The following CGREF1 variants were observed in gnomAD, a reference collection of about 807,000 sequenced individuals.
CGREF1 encodes the protein cell growth regulator with EF hand domain protein 1.
In CGREF1, 16 loss-of-function variants were observed where a neutral mutation model predicts 17.4. The observed-to-expected ratio is 0.92, with a 90% confidence interval of 0.62 to 1.40. CGREF1 has a LOEUF of 1.40. Among genes scored for constraint, CGREF1 ranks in the 40% most tolerant of loss-of-function variants. The probability of loss-of-function intolerance (pLI) is 0.00; values close to 1 mark genes in which losing one functional copy is unlikely to be tolerated. For missense variants in CGREF1, 296 were observed against 376.4 expected, an observed-to-expected ratio of 0.79 and a Z score of 1.77; for synonymous variants, 142 against 154.6, an observed-to-expected ratio of 0.92 and a Z score of 0.61.
chr2:27,112,820 T>C (rs1405224152), intron 1 of CGREF1, among the ~76,000 whole-genome samples: 1 of 152,170 alleles, frequency 6.6e-6, no homozygotes, highest in Non-Finnish European at 1.5e-5. Context: ...TTCTGTGTCA[T>C]GAAATATACC....
Position 27,101,018 on chromosome 2 carries a change from A to C in CGREF1, c.*256T>G, listed in dbSNP as rs1032275900. On this transcript the variant is annotated 3_prime_UTR_variant, in exon 6 of 6. Transcript: ENST00000402394. ...CGGCATCCCTGTCCTTTCGGTCCCC[A>C]ACCCCGTTCCTCTGAGAGGGTCTGG... 3 of 1,288,904 alleles carry C rather than the reference A, an allele frequency of 2.3e-6. No homozygotes were observed. In the African/African-American group the frequency reaches 4.6e-5, roughly 20 times the overall value. The allele number at this position is 1,288,904 out of a possible 1,614,324, so 79.8% of individuals were successfully genotyped here. A position where few individuals can be genotyped will look rare whatever the true frequency, so the allele number is the denominator to read the frequency against.
chr2:27,115,995 T>C (rs1232436961), intron 1 of CGREF1, among the ~76,000 whole-genome samples: 1 of 152,006 alleles, frequency 6.6e-6, no homozygotes, highest in Non-Finnish European at 1.5e-5. Context: ...AAAGGATTGC[T>C]TGAAGCCAGG....
chr2:27,104,956 G>A (rs1206579277), intron 1 of CGREF1, among the ~76,000 whole-genome samples: 1 of 152,236 alleles, frequency 6.6e-6, no homozygotes, highest in African/African-American at 2.4e-5. Flanking sequence ...CAGACCAACA[G>A]TGGCCCCAGG....
intron 2 of CGREF1, 108 bp from the exon 3 acceptor site, chr2:27,102,699 G>A (rs1355917654): frequency 8.0e-7 from 1 of 1,256,774 alleles, no homozygotes; most frequent in Non-Finnish European, 1.1e-6. Context: ...GACCCAAAGG[G>A]AGTTGCCCCC....
At chr2:27,117,705 ATTTTT>A (rs35908937) in intron 1 of CGREF1, among the ~76,000 whole-genome samples, 12 of 123,174 alleles carry the variant, frequency 9.7e-5, no homozygotes, top group African/African-American at 1.3e-4. Context: ...TGGGATCTGA[ATTTTT>A]TTTTTTTTTT....
Position 27,100,900 on chromosome 2 carries a change from GA to G in CGREF1, c.*373del. On this transcript the variant is annotated 3_prime_UTR_variant, in exon 6 of 6. Coordinates refer to ENST00000402394, the MANE Select transcript of CGREF1 (RefSeq NM_006569.6). The stretch of plus-strand genomic sequence containing the variant: ...AGGGTTTGGGGCCCAGGGATAGACT[GA>G]GCTTTCCTCACTGGGTCCTCTGCAG... 1 of 1,092,706 alleles carries G rather than the reference GA, an allele frequency of 9.2e-7. No homozygotes were observed. Among genetic ancestry groups the G allele is most frequent in the Non-Finnish European group, 1.1e-6 (1 of 896,998 alleles). The allele number at this position is 1,092,706 out of a possible 1,614,324, so 67.7% of individuals were successfully genotyped here.
rs1033403362 is a variant in CGREF1 at position 27,100,949 on chromosome 2, G to A, written c.*325C>T. The A allele has an allele frequency of 1.5e-5, 17 of 1,136,334 alleles. No homozygotes were observed. The highest frequency in any genetic ancestry group is 8.1e-5 in the African/African-American group (5 of 61,792). 70.4% of individuals were successfully genotyped at this position (1,136,334 alleles called of 1,614,324 possible). A position where few individuals can be genotyped will look rare whatever the true frequency, so the allele number is the denominator to read the frequency against. On this transcript the variant is annotated 3_prime_UTR_variant, in exon 6 of 6. Transcript: ENST00000402394. ...CAGCCGGCCATGGCTAGCACCATGCGCTCTGCTGCCGGAGCACCGTGAGGC... is the reference window on the plus strand; with the variant it reads ...CAGCCGGCCATGGCTAGCACCATGCACTCTGCTGCCGGAGCACCGTGAGGC...
At chr2:27,099,977 C>T (rs1480109401), downstream of CGREF1, 1 of 893,016 alleles carries the variant, frequency 1.1e-6, no homozygotes, top group African/African-American at 2.1e-5. Context: ...CCAGCTTCTC[C>T]TCTCAATGTC....
chr2:27,099,950 A>G (rs751205514), downstream of CGREF1: 55 of 1,206,928 alleles, frequency 4.6e-5, no homozygotes, highest in Non-Finnish European at 5.8e-5. Flanking sequence ...CTCAGAGCAA[A>G]TAAATCTTCC....
chr2:27,111,516 C>A (rs992538590), intron 1 of CGREF1, among the ~76,000 whole-genome samples: 2 of 152,258 alleles, frequency 1.3e-5, no homozygotes, highest in African/African-American at 2.4e-5. Context: ...TGCGCCCGCA[C>A]TCCTCAGCCC....
chr2:27,107,578 G>A (rs142011634), intron 1 of CGREF1, among the ~76,000 whole-genome samples: 110 of 151,750 alleles, frequency 7.2e-4, no homozygotes, highest in African/African-American at 2.6e-3. Context: ...AGAAATTAAA[G>A]GGAAGCTTGA....
intron 1 of CGREF1, among the ~76,000 whole-genome samples, chr2:27,114,950 A>C (rs1671520399): frequency 6.6e-6 from 1 of 152,116 alleles, no homozygotes; most frequent in African/African-American, 2.4e-5. Context: ...GCCCAGGCTG[A>C]TTGGAAACCC....
At chr2:27,099,612 A>T (rs751705633), downstream of CGREF1, 3 of 1,613,888 alleles carry the variant, frequency 1.9e-6, no homozygotes, top group East Asian at 6.7e-5. Context: ...AAGGACTGGG[A>T]CCTGTCCCTG....
chr2:27,112,953 A>G (rs1671445373), intron 1 of CGREF1, among the ~76,000 whole-genome samples: 1 of 152,178 alleles, frequency 6.6e-6, no homozygotes, highest in Non-Finnish European at 1.5e-5. Context: ...GAAGTAGAAG[A>G]CAGAAATCTC....
chr2:27,106,723 TCTCCTGCCTCAGC>T (rs1671135542), intron 1 of CGREF1, among the ~76,000 whole-genome samples: 1 of 152,158 alleles, frequency 6.6e-6, no homozygotes, highest in Non-Finnish European at 1.5e-5. Flanking sequence ...CTCAAGCGAT[TCTCCTGCCTCAGC>T]CTCCTGAGTA....
At chr2:27,111,328 C>T (rs1486095936) in intron 1 of CGREF1, among the ~76,000 whole-genome samples, 1 of 152,220 alleles carries the variant, frequency 6.6e-6, no homozygotes, top group Non-Finnish European at 1.5e-5. Flanking sequence ...ACACAGGGTG[C>T]TGATTGGTGT....
chr2:27,099,649 C>T (rs778134637), downstream of CGREF1: 3 of 1,614,062 alleles, frequency 1.9e-6, no homozygotes, highest in South Asian at 2.2e-5. Context: ...GACCTAGCTA[C>T]TTGCCCCTCC....
chr2:27,102,360 C>A lies in CGREF1; in HGVS notation c.217G>T (p.Val73Phe), dbSNP rs1670921022. The change falls in exon 4 of 6, where the codon GTT (valine) becomes TTT (phenylalanine). Residue 73 changes from valine (V) to phenylalanine (F), a missense_variant and splice_region_variant. Physicochemically the swap from Val to Phe is conservative, Grantham distance 50. Around this residue, in one of 3 missense-constraint regions of CGREF1, gnomAD observed 247 missense variants for 267.2 expected, o/e 0.92. Transcript: ENST00000402394. ...TGGCCCCATCAGCCCAGCCCCTCAC[C>A]CTGCTCCCGGCTCAGATGCTCCAGT... ...VQLEHLSREQ[V>F]LLYLFALHDY... The A allele has an allele frequency of 6.2e-7, 1 of 1,614,134 alleles. No homozygotes were observed. Among genetic ancestry groups the A allele is most frequent in the African/African-American group, 1.3e-5 (1 of 75,044 alleles).
Position 27,101,641 on chromosome 2 carries a change from G to A in CGREF1, c.590C>T (p.Ala197Val). ...GACAGGATCCAAAGACTCCCTTCTG[G>A]CCTCTACCTGGCCCTTTGCTTCTTC... Reference protein sequence around the residue: ...PREEAKGQVEARRESLDPVQE... With the variant: ...PREEAKGQVEVRRESLDPVQE... Residue 197 changes from alanine (A) to valine (V), a missense_variant, in exon 6 of 6, where the codon GCC (alanine) becomes GTC (valine). Physicochemically the swap from Ala to Val is moderately conservative, Grantham distance 64. Around this residue, in one of 3 missense-constraint regions of CGREF1, gnomAD observed 247 missense variants for 267.2 expected, o/e 0.92. Coordinates refer to ENST00000402394, the MANE Select transcript of CGREF1 (RefSeq NM_006569.6). 6.2e-7 allele frequency: 1 copy of A among 1,614,186 alleles called. No homozygotes were observed. The highest frequency in any genetic ancestry group is 1.1e-5 in the South Asian group (1 of 91,088).
Sources: allele counts gnomAD v4.1 joint callset (sites outside exome capture counted in the v4.1 genomes callset), GRCh38; gene constraint gnomAD v4.1.1; regional missense constraint gnomAD v4.1.1; transcripts MANE v1.5; gene names NCBI Gene and HGNC (gene_info 2026-07-23, HGNC 2026-07-21).